The following RAB3GAP1 variants were observed in gnomAD, a reference collection of about 807,000 sequenced individuals.
The protein encoded by RAB3GAP1 is rab3 GTPase-activating protein catalytic subunit.
Under a neutral mutation model 130.7 loss-of-function variants are expected in RAB3GAP1, and 86 were observed. That is an observed-to-expected ratio of 0.66 (90% confidence interval 0.55 to 0.79). RAB3GAP1 has a LOEUF of 0.79. RAB3GAP1 is among the 30% of genes least tolerant of loss of function. The pLI is 0.00. For missense variants in RAB3GAP1, 1,029 were observed against 1,169.4 expected (o/e 0.88, Z 1.75); for synonymous variants, 367 against 401.7 (o/e 0.91, Z 1.03).
chr2:135,114,255 A>G (rs1690903218), intron 6 of RAB3GAP1, among the ~76,000 whole-genome samples: 1 of 152,326 alleles, frequency 6.6e-6, no homozygotes, highest in East Asian at 1.9e-4. Context: ...TTTAGGCCCT[A>G]TTCTTAAATG....
intron 17 of RAB3GAP1, among the ~76,000 whole-genome samples, chr2:135,145,448 A>C (rs1477682088): frequency 6.6e-6 from 1 of 151,728 alleles, no homozygotes; most frequent in Admixed American, 6.6e-5. Flanking sequence ...TAATTATTCT[A>C]ATTTTATGTA....
chr2:135,058,197 A>G (rs979550911), intron 3 of RAB3GAP1, 111 bp downstream of exon 3: 2 of 891,872 alleles, frequency 2.2e-6, no homozygotes, highest in Non-Finnish European at 3.6e-6. Context: ...AAAGTTACGT[A>G]TAATCTATAA....
At chr2:135,090,728 A>AT (rs1309959861) in intron 3 of RAB3GAP1, among the ~76,000 whole-genome samples, 4 of 152,142 alleles carry the variant, frequency 2.6e-5, no homozygotes, top group Non-Finnish European at 5.9e-5. Flanking sequence ...TGTGTTCATG[A>AT]TTTTATATAG....
chr2:135,138,513 C>T (rs1691743911), intron 17 of RAB3GAP1, among the ~76,000 whole-genome samples: 1 of 152,004 alleles, frequency 6.6e-6, no homozygotes, highest in Non-Finnish European at 1.5e-5. Flanking sequence ...AAGTAACTAA[C>T]AAGTATTATT....
chr2:135,111,343 A>G (rs1334847441), intron 5 of RAB3GAP1, among the ~76,000 whole-genome samples: 1 of 152,104 alleles, frequency 6.6e-6, no homozygotes, highest in Non-Finnish European at 1.5e-5. Context: ...TAGGAGAGGA[A>G]TTTTCAGTAT....
intron 2 of RAB3GAP1, among the ~76,000 whole-genome samples, chr2:135,056,479 A>G (rs1689016079): frequency 6.6e-6 from 1 of 152,266 alleles, no homozygotes; most frequent in Non-Finnish European, 1.5e-5. Context: ...CTGGGATTAC[A>G]CGCGTGAGCC....
chr2:135,126,148 T>G, intron 9 of RAB3GAP1, 33 bp from the exon 10 acceptor site: 2 of 1,498,538 alleles, frequency 1.3e-6, no homozygotes. Flanking sequence ...TGAGTCAGTA[T>G]TAAAGCTTTT....
chr2:135,170,203 G>A lies in RAB3GAP1; in HGVS notation c.*1422G>A, dbSNP rs1692811573. ...CGGTTCCTAAGGACAGAGTTTGTCT[G>A]TTTTCTAACAAAGAAAAATTCTACA... On this transcript the variant is annotated 3_prime_UTR_variant, in exon 24 of 24. Transcript: ENST00000264158. 6.6e-6 allele frequency: 1 copy of A among 151,926 alleles called. No individual in the cohort carries two copies. The highest frequency in any genetic ancestry group is 1.5e-5 in the Non-Finnish European group (1 of 68,016). 9.4% of individuals were successfully genotyped at this position (151,926 alleles called of 1,614,324 possible).
In RAB3GAP1 at chr2:135,082,694, G is replaced by A. The variant is rs1023349840; in HGVS notation, c.151-8304G>A. Among the ~76,000 whole-genome samples the A allele has an allele frequency of 1.1e-4, 17 of 152,090 alleles. No homozygotes were observed. The South Asian group carries it at 3.5e-3, about 32-fold the overall frequency. On this transcript the variant is annotated intron_variant, in intron 3 of 23. Coordinates refer to ENST00000264158, the MANE Select transcript of RAB3GAP1 (RefSeq NM_012233.3). ...GACCTCAGGTGATCCACCTGCCTCG[G>A]CCTCCCAAAGTGCTGGAATTACAGG...
intron 17 of RAB3GAP1, among the ~76,000 whole-genome samples, chr2:135,141,379 C>T (rs1327139143): frequency 3.9e-5 from 6 of 151,960 alleles, no homozygotes; most frequent in Non-Finnish European, 5.9e-5. Flanking sequence ...AGTGTGCCAC[C>T]ATACCTGGCT....
At chr2:135,102,655 A>G (rs1690479818) in intron 5 of RAB3GAP1, among the ~76,000 whole-genome samples, 1 of 152,188 alleles carries the variant, frequency 6.6e-6, no homozygotes, top group Non-Finnish European at 1.5e-5. Context: ...TGGTCACCAC[A>G]AAGGAACAGT....
At chr2:135,163,187 C>T (rs995203497) in intron 22 of RAB3GAP1, 86 bp downstream of exon 22, 1 of 880,208 alleles carries the variant, frequency 1.1e-6, no homozygotes, top group Middle Eastern at 2.3e-4. Flanking sequence ...GATATTAAGA[C>T]TCTTTTGTGG....
rs1573600938 is a variant in RAB3GAP1 at position 135,150,598 on chromosome 2, A to C, written c.2061+92A>C. ...CTCTGTAAAGTGGTATAAAGGCCTG[A>C]ATGTCTTTTTGTTAAGTGTTTGGAT... On this transcript the variant is annotated intron_variant, in intron 18 of 23. Coordinates refer to ENST00000264158, the MANE Select transcript of RAB3GAP1 (RefSeq NM_012233.3). 32 of 1,523,832 alleles carry C rather than the reference A, an allele frequency of 2.1e-5. 1 individual carries two copies. The East Asian group carries it at 7.3e-4, about 35-fold the overall frequency. 94.4% of individuals were successfully genotyped at this position (1,523,832 alleles called of 1,614,324 possible). A position where few individuals can be genotyped will look rare whatever the true frequency, so the allele number is the denominator to read the frequency against.
chr2:135,058,026 T>G lies in RAB3GAP1; in HGVS notation c.90T>G (p.Val30=). 6.2e-7 allele frequency: 1 copy of G among 1,612,146 alleles called. No individual in the cohort carries two copies. Among genetic ancestry groups the G allele is most frequent in the Non-Finnish European group, 8.5e-7 (1 of 1,178,340 alleles). The change falls in exon 3 of 24, where the codon GTT becomes GTG. Residue 30 remains valine, a synonymous_variant. Transcript: ENST00000264158. ...TACTTCCTAGGTTTATTTCCAAAGTTGAAGAAGTCTTGAATGACTGGAAAC... is the reference window on the plus strand; with the variant it reads ...TACTTCCTAGGTTTATTTCCAAAGTGGAAGAAGTCTTGAATGACTGGAAAC... ...ASEWERFISK[V]EEVLNDWKLI...
intron 18 of RAB3GAP1, among the ~76,000 whole-genome samples, chr2:135,151,632 A>T (rs1692176026): frequency 6.6e-6 from 1 of 152,226 alleles, no homozygotes; most frequent in Non-Finnish European, 1.5e-5. Context: ...CTGCCATGTG[A>T]CAAGAAACAG....
chr2:135,153,603 T>G, intron 18 of RAB3GAP1, 46 bp from the exon 19 acceptor site: 1 of 1,563,358 alleles, frequency 6.4e-7, no homozygotes, highest in Non-Finnish European at 8.8e-7. Context: ...TATCAGTAAC[T>G]GTTGATTTTC....
chr2:135,094,616 C>T (rs983667008), intron 5 of RAB3GAP1, among the ~76,000 whole-genome samples: 3 of 152,132 alleles, frequency 2.0e-5, no homozygotes, highest in South Asian at 4.1e-4. Context: ...CATAGCTAGC[C>T]TTTTTAAGCC....
At chr2:135,174,880 G>A (rs1015471996), downstream of RAB3GAP1, among the ~76,000 whole-genome samples, 7 of 152,346 alleles carry the variant, frequency 4.6e-5, no homozygotes, top group Middle Eastern at 6.8e-3. Flanking sequence ...CTGTGGCTGA[G>A]TCCCACCCAA....
At chr2:135,157,049 AAAC>A (rs1427389457) in intron 19 of RAB3GAP1, among the ~76,000 whole-genome samples, 2 of 152,220 alleles carry the variant, frequency 1.3e-5, no homozygotes, top group African/African-American at 2.4e-5. Flanking sequence ...TTAATGAAGA[AAAC>A]AAAACGCTCC....
Sources: allele counts gnomAD v4.1 joint callset (sites outside exome capture counted in the v4.1 genomes callset), GRCh38; gene constraint gnomAD v4.1.1; transcripts MANE v1.5; gene names NCBI Gene and HGNC (gene_info 2026-07-23, HGNC 2026-07-21).